GRK5: variants seen among roughly 807,000 people sequenced by gnomAD.
GRK5 encodes the protein g protein-coupled receptor kinase GRK5.
GRK5 carries 40 observed loss-of-function variants against 78.4 expected under a neutral mutation model. The ratio of observed to expected loss-of-function variants is 0.51; its 90% CI spans 0.40 to 0.66. The LOEUF (loss-of-function observed/expected upper bound fraction) is 0.66, where lower values mean the gene tolerates loss of function less well. GRK5 is among the 30% of genes least tolerant of loss of function. The probability of loss-of-function intolerance (pLI) is 0.00; values close to 1 mark genes in which losing one functional copy is unlikely to be tolerated. For missense variants in GRK5, 598 were observed against 759.9 expected, an observed-to-expected ratio of 0.79 and a Z score of 2.50; for synonymous variants, 289 against 296.8, an observed-to-expected ratio of 0.97 and a Z score of 0.27.
chr10:119,354,785 G>A (rs1191055975), intron 2 of GRK5, among the ~76,000 whole-genome samples: 1 of 152,082 alleles, frequency 6.6e-6, no homozygotes, highest in Non-Finnish European at 1.5e-5. Context: ...CCTTTATGAG[G>A]ATTTTTTTCA....
intron 1 of GRK5, among the ~76,000 whole-genome samples, chr10:119,262,927 T>C (rs1038334549): frequency 1.2e-4 from 18 of 152,230 alleles, no homozygotes; most frequent in African/African-American, 4.3e-4. Flanking sequence ...GCAGGAGATA[T>C]TAATAGATAC....
At chr10:119,376,731 A>G (rs1485059954) in intron 2 of GRK5, among the ~76,000 whole-genome samples, 1 of 151,940 alleles carries the variant, frequency 6.6e-6, no homozygotes, top group Non-Finnish European at 1.5e-5. Flanking sequence ...CGCCTGGCTA[A>G]TTATTTTGTA....
intron 2 of GRK5, among the ~76,000 whole-genome samples, chr10:119,341,780 C>G (rs1353579936): frequency 6.6e-6 from 1 of 152,182 alleles, no homozygotes; most frequent in East Asian, 1.9e-4. Flanking sequence ...TGGAAAAACA[C>G]TCAATCTTCC....
In GRK5 at chr10:119,224,814, A is replaced by G. The variant is rs993030072; in HGVS notation, c.52+16845A>G. 4.6e-5 allele frequency among the ~76,000 whole-genome samples: 7 copies of G among 152,218 alleles called. No individual in the cohort carries two copies. The South Asian group carries it at 6.2e-4, about 13-fold the overall frequency. ...CCATTGAAAGCTTGATCAAGGTTCT[A>G]TGAGAAGTTCAAAGGGAAAAGGAGA... On this transcript the variant is annotated intron_variant, in intron 1 of 15. Coordinates refer to ENST00000392870, the MANE Select transcript of GRK5 (RefSeq NM_005308.3).
intron 2 of GRK5, among the ~76,000 whole-genome samples, chr10:119,359,729 A>C (rs1589763253): frequency 6.6e-6 from 1 of 152,136 alleles, no homozygotes; most frequent in East Asian, 1.9e-4. Flanking sequence ...TTTGGTTCAC[A>C]CCCTGGATGC....
At chr10:119,443,112 A>G (rs1272806770) in intron 11 of GRK5, among the ~76,000 whole-genome samples, 1 of 152,202 alleles carries the variant, frequency 6.6e-6, no homozygotes, top group Non-Finnish European at 1.5e-5. Context: ...TCTATGGTAA[A>G]TCTGTAATTC....
At chr10:119,382,456 C>T (rs908404049) in intron 3 of GRK5, among the ~76,000 whole-genome samples, 12 of 152,232 alleles carry the variant, frequency 7.9e-5, no homozygotes, top group Admixed American at 3.9e-4. Flanking sequence ...AAGTAAAAGT[C>T]GACAGAATAG....
chr10:119,395,798 TGAG>T (rs1009615729), intron 3 of GRK5, among the ~76,000 whole-genome samples: 4 of 152,124 alleles, frequency 2.6e-5, no homozygotes, highest in African/African-American at 9.7e-5. Context: ...GTGGTGTGGT[TGAG>T]GAGAAGCCCT....
chr10:119,229,606 G>T lies in GRK5; in HGVS notation c.52+21637G>T, dbSNP rs17450. ...CAGGAATGCAAAGATGTGAGATTCT[G>T]CTCTTCCTCTTCAGGACCTTCCAGC... On this transcript the variant is annotated intron_variant, in intron 1 of 15. Coordinates refer to ENST00000392870, the MANE Select transcript of GRK5 (RefSeq NM_005308.3). Among the ~76,000 whole-genome samples the T allele has an allele frequency of 9.8e-3, 1,497 of 152,284 alleles. 21 individuals carry two copies. Among genetic ancestry groups the T allele is most frequent in the African/African-American group, 0.034 (1,422 of 41,552 alleles).
chr10:119,444,609 C>A (rs934602863), intron 12 of GRK5, among the ~76,000 whole-genome samples: 7 of 152,310 alleles, frequency 4.6e-5, no homozygotes, highest in African/African-American at 1.7e-4. Flanking sequence ...CCACTGCAAG[C>A]AGCTGCCCTC....
chr10:119,436,852 G>A lies in GRK5; in HGVS notation c.929+11G>A. Reference sequence around the variant, plus strand: ...GAACACCGTCTACCGGTGAGTGGAAGGCACCAAGGACTTCCAAGTCTAAGT... The same window carrying A: ...GAACACCGTCTACCGGTGAGTGGAAAGCACCAAGGACTTCCAAGTCTAAGT... On this transcript the variant is annotated intron_variant, in intron 9 of 15. Transcript: ENST00000392870. 1.3e-6 allele frequency: 2 copies of A among 1,579,468 alleles called. No homozygotes were observed. The highest frequency in any genetic ancestry group is 1.7e-6 in the Non-Finnish European group (2 of 1,159,446).
At chr10:119,294,553 A>G (rs765691627) in intron 1 of GRK5, among the ~76,000 whole-genome samples, 5 of 152,266 alleles carry the variant, frequency 3.3e-5, no homozygotes, top group Non-Finnish European at 5.9e-5. Flanking sequence ...CAGGCACAAG[A>G]TAAGTAGGAA....
Position 119,267,704 on chromosome 10 carries a change from G to A in GRK5, c.53-58812G>A, listed in dbSNP as rs1342574664. On this transcript the variant is annotated intron_variant, in intron 1 of 15. Coordinates refer to ENST00000392870, the MANE Select transcript of GRK5 (RefSeq NM_005308.3). This position sits in a 1 kb window ranked among gnomAD's most constrained non-coding sequence, Gnocchi z 4.1. ...CCCAAACTGTCCTCCAGGAAAGGCG[G>A]GAGGCAGCTTAGGTGACCTCTGCAC... 6.6e-6 allele frequency among the ~76,000 whole-genome samples: 1 copy of A among 152,220 alleles called. No individual in the cohort carries two copies. The highest frequency in any genetic ancestry group is 2.4e-5 in the African/African-American group (1 of 41,466).
chr10:119,394,394 CTG>C (rs1200178670), intron 3 of GRK5, among the ~76,000 whole-genome samples: 2 of 7,952 alleles, frequency 2.5e-4, no homozygotes, highest in Non-Finnish European at 5.4e-4. Context: ...GTATCTGTGT[CTG>C]TGTGTGGGCA....
intron 2 of GRK5, among the ~76,000 whole-genome samples, chr10:119,376,382 G>A (rs769216655): frequency 3.0e-4 from 45 of 152,092 alleles, no homozygotes; most frequent in Admixed American, 6.5e-4. Context: ...ATATCCCCAC[G>A]TGTTGAGTTC....
chr10:119,252,514 C>G (rs80132616), intron 1 of GRK5, among the ~76,000 whole-genome samples: 1 of 152,028 alleles, frequency 6.6e-6, no homozygotes, highest in South Asian at 2.1e-4. Context: ...GGGCACTGGA[C>G]CGGGTGTCTC....
At chr10:119,274,189 G>T (rs1249208891) in intron 1 of GRK5, among the ~76,000 whole-genome samples, 1 of 152,196 alleles carries the variant, frequency 6.6e-6, no homozygotes, top group Non-Finnish European at 1.5e-5. Context: ...TGCCGCTGAG[G>T]AGGGGACATG....
chr10:119,430,308 C>T lies in GRK5; in HGVS notation c.534-67C>T, dbSNP rs1020035174. On this transcript the variant is annotated intron_variant, in intron 6 of 15. Transcript: ENST00000392870. This position sits in a 1 kb window ranked among gnomAD's most constrained non-coding sequence, Gnocchi z 4.5. The stretch of plus-strand genomic sequence containing the variant: ...CCCCACCCCAGCTGCTCTCAATGTG[C>T]CACTGTTTCCTGTGGATTCTGAGTC... 7.3e-5 allele frequency: 102 copies of T among 1,396,290 alleles called. 1 individual carries two copies. The highest frequency in any genetic ancestry group is 3.4e-4 in the South Asian group (29 of 85,984). 86.5% of individuals were successfully genotyped at this position (1,396,290 alleles called of 1,614,324 possible). A position where few individuals can be genotyped will look rare whatever the true frequency, so the allele number is the denominator to read the frequency against.
At chr10:119,209,775 T>C (rs1848456740) in intron 1 of GRK5, among the ~76,000 whole-genome samples, 1 of 152,148 alleles carries the variant, frequency 6.6e-6, no homozygotes, top group African/African-American at 2.4e-5. Context: ...TACTGGAGCC[T>C]TGCAAGTTTC....
Sources: allele counts gnomAD v4.1 joint callset (sites outside exome capture counted in the v4.1 genomes callset), GRCh38; gene constraint gnomAD v4.1.1; non-coding constraint Gnocchi (gnomAD v3.1); transcripts MANE v1.5; gene names NCBI Gene and HGNC (gene_info 2026-07-23, HGNC 2026-07-21).